The following NCAM2 variants were observed in gnomAD, a reference collection of about 807,000 sequenced individuals.
NCAM2 encodes the protein neural cell adhesion molecule 2.
In NCAM2, 30 loss-of-function variants were observed where a neutral mutation model predicts 98.1. That is an observed-to-expected ratio of 0.31 (90% confidence interval 0.23 to 0.41). The LOEUF is 0.41. NCAM2 is among the 10% of genes least tolerant of loss of function. The pLI is 1.00. For synonymous variants in NCAM2, 368 were observed against 342.4 expected (o/e 1.07, Z -0.83); for missense variants, 867 against 1,005.8 (o/e 0.86, Z 1.87).
At chr21:21,234,983 A>C (rs552905440) in intron 1 of NCAM2, among the ~76,000 whole-genome samples, 1 of 152,112 alleles carries the variant, frequency 6.6e-6, no homozygotes, top group East Asian at 1.9e-4. Context: ...AATGTCTGCT[A>C]TAATATTTTG....
Position 21,277,912 on chromosome 21 carries a change from C to A in NCAM2, c.56-2666C>A, listed in dbSNP as rs115886973. Among the ~76,000 whole-genome samples the A allele has an allele frequency of 7.7e-3, 1,178 of 152,046 alleles. 17 individuals carry two copies. The highest frequency in any genetic ancestry group is 0.027 in the African/African-American group (1,124 of 41,484). On this transcript the variant is annotated intron_variant, in intron 1 of 17. Transcript: ENST00000400546. ...AATGCATACAAATAGTTTATATTGGCAATGTTTGAAAATTGATTGATGGTG... is the reference window on the plus strand; with the variant it reads ...AATGCATACAAATAGTTTATATTGGAAATGTTTGAAAATTGATTGATGGTG...
intron 5 of NCAM2, among the ~76,000 whole-genome samples, chr21:21,311,817 A>G (rs1345347656): frequency 6.6e-6 from 1 of 152,112 alleles, no homozygotes; most frequent in Non-Finnish European, 1.5e-5. Flanking sequence ...GTTTATTGCT[A>G]ATATGCATAT....
intron 5 of NCAM2, among the ~76,000 whole-genome samples, chr21:21,311,778 T>A (rs1490558781): frequency 1.5e-5 from 1 of 67,304 alleles, no homozygotes; most frequent in East Asian, 3.5e-4. Context: ...TGTTGTACAT[T>A]TTTTTAAAAA....
At chr21:21,056,276 T>C (rs1479765784) in intron 1 of NCAM2, among the ~76,000 whole-genome samples, 1 of 152,076 alleles carries the variant, frequency 6.6e-6, no homozygotes, top group East Asian at 1.9e-4. Context: ...GTGTATTGAA[T>C]ATAATCTTGA....
chr21:21,171,885 T>C lies in NCAM2; in HGVS notation c.56-108693T>C, dbSNP rs760856811. Among the ~76,000 whole-genome samples the C allele has an allele frequency of 8.5e-5, 13 of 152,266 alleles. No individual in the cohort carries two copies. In the Middle Eastern group the frequency reaches 0.014, roughly 159 times the overall value. ...TTGGTAGGTTAAATGGAAGGAATTATGCTTATTAGTATAGTGCTATAGCTT... is the reference window on the plus strand; with the variant it reads ...TTGGTAGGTTAAATGGAAGGAATTACGCTTATTAGTATAGTGCTATAGCTT... On this transcript the variant is annotated intron_variant, in intron 1 of 17. Transcript: ENST00000400546.
chr21:21,040,413 A>T lies in NCAM2; in HGVS notation c.55+41795A>T, dbSNP rs1317904384. The stretch of plus-strand genomic sequence containing the variant: ...TGTGTATAATTATTTAGATATATGA[A>T]TATATATATCTTTTCCAGTCTTACT... On this transcript the variant is annotated intron_variant, in intron 1 of 17. Coordinates refer to ENST00000400546, the MANE Select transcript of NCAM2 (RefSeq NM_004540.5). 8.5e-5 allele frequency among the ~76,000 whole-genome samples: 13 copies of T among 152,132 alleles called. No homozygotes were observed. The East Asian group carries it at 2.5e-3, about 29-fold the overall frequency.
chr21:21,427,388 A>G (rs912195899), intron 11 of NCAM2, among the ~76,000 whole-genome samples: 3 of 152,240 alleles, frequency 2.0e-5, no homozygotes, highest in Non-Finnish European at 2.9e-5. Flanking sequence ...GTCTTGGAAA[A>G]TAAGAAGATA....
At chr21:21,448,072 C>T (rs1357646991) in intron 12 of NCAM2, among the ~76,000 whole-genome samples, 1 of 152,086 alleles carries the variant, frequency 6.6e-6, no homozygotes, top group Non-Finnish European at 1.5e-5. Flanking sequence ...AAAAATTATT[C>T]TACCCTAAAG....
At chr21:21,253,542 A>G (rs2071549351) in intron 1 of NCAM2, among the ~76,000 whole-genome samples, 1 of 152,148 alleles carries the variant, frequency 6.6e-6, no homozygotes, top group Non-Finnish European at 1.5e-5. Flanking sequence ...CCATCAATGA[A>G]CCAGAAAACA....
chr21:21,116,989 T>G (rs1397246161), intron 1 of NCAM2, among the ~76,000 whole-genome samples: 1 of 152,218 alleles, frequency 6.6e-6, no homozygotes, highest in African/African-American at 2.4e-5. Context: ...ACCAAAATTC[T>G]TGTGTTTTTA....
intron 1 of NCAM2, among the ~76,000 whole-genome samples, chr21:21,175,102 T>G (rs973662593): frequency 5.9e-5 from 9 of 152,166 alleles, no homozygotes; most frequent in Non-Finnish European, 1.0e-4. Context: ...TAACATAATT[T>G]GATATGTCTT....
intron 7 of NCAM2, among the ~76,000 whole-genome samples, chr21:21,335,873 A>T (rs1568948107): frequency 6.6e-6 from 1 of 152,178 alleles, no homozygotes; most frequent in Non-Finnish European, 1.5e-5. Context: ...AGTCATTGAT[A>T]TGCTTACAGA....
At chr21:21,329,043 C>T (rs2074600492) in intron 6 of NCAM2, among the ~76,000 whole-genome samples, 1 of 151,458 alleles carries the variant, frequency 6.6e-6, no homozygotes, top group African/African-American at 2.4e-5. Context: ...CAACTTCTGC[C>T]TCCTGGGTTC....
intron 11 of NCAM2, among the ~76,000 whole-genome samples, chr21:21,431,123 TTGTGTGTGTG>T (rs3037969): frequency 7.8e-5 from 11 of 141,172 alleles, no homozygotes; most frequent in African/African-American, 2.9e-4. Context: ...TAATATATGT[TTGTGTGTGTG>T]TGTGTGTGTG....
At chr21:21,268,348 A>G (rs767759513) in intron 1 of NCAM2, among the ~76,000 whole-genome samples, 6 of 152,124 alleles carry the variant, frequency 3.9e-5, no homozygotes, top group Non-Finnish European at 8.8e-5. Flanking sequence ...GCACCTTCCC[A>G]CACCACACAG....
At chr21:21,006,850 T>C (rs2064121937) in intron 1 of NCAM2, among the ~76,000 whole-genome samples, 1 of 152,220 alleles carries the variant, frequency 6.6e-6, no homozygotes, top group South Asian at 2.1e-4. Context: ...CTGTGGATCA[T>C]AGTTTGCATT....
chr21:21,074,310 A>T (rs1270825436), intron 1 of NCAM2, among the ~76,000 whole-genome samples: 3 of 152,054 alleles, frequency 2.0e-5, no homozygotes, highest in Non-Finnish European at 4.4e-5. Context: ...CATTAATTAC[A>T]TTTATTTTAC....
intron 1 of NCAM2, among the ~76,000 whole-genome samples, chr21:21,062,258 T>C (rs1219170478): frequency 6.6e-6 from 1 of 152,194 alleles, no homozygotes; most frequent in East Asian, 1.9e-4. Flanking sequence ...ATCTGCAAAA[T>C]GCTGATTTAC....
In NCAM2 at chr21:21,418,576, A is replaced by G; in HGVS notation, c.1480+7A>G. On this transcript the variant is annotated splice_region_variant and intron_variant, in intron 11 of 17. Coordinates refer to ENST00000400546, the MANE Select transcript of NCAM2 (RefSeq NM_004540.5). ...TATATTCTTGCTTTGGCTGGTAAGTATAGCACAATAATTTTTGAGATCGCA... is the reference window on the plus strand; with the variant it reads ...TATATTCTTGCTTTGGCTGGTAAGTGTAGCACAATAATTTTTGAGATCGCA... The G allele has an allele frequency of 4.5e-6, 7 of 1,568,740 alleles. No individual in the cohort carries two copies. The highest frequency in any genetic ancestry group is 6.1e-6 in the Non-Finnish European group (7 of 1,139,770).
Sources: allele counts gnomAD v4.1 joint callset (sites outside exome capture counted in the v4.1 genomes callset), GRCh38; gene constraint gnomAD v4.1.1; transcripts MANE v1.5; gene names NCBI Gene and HGNC (gene_info 2026-07-23, HGNC 2026-07-21).